LUC7L3: variants seen among roughly 807,000 people sequenced by gnomAD.
The protein encoded by LUC7L3 is LUC7 like 3 pre-mRNA splicing factor.
LUC7L3 carries 6 observed loss-of-function variants against 66.8 expected under a neutral mutation model. The observed-to-expected ratio is 0.09, with a 90% CI of 0.05 to 0.18. The LOEUF (loss-of-function observed/expected upper bound fraction) is 0.18, where lower values mean the gene tolerates loss of function less well. Ranked by LOEUF, LUC7L3 falls within the 10% of genes least tolerant of loss-of-function variation. The pLI is 1.00. For synonymous variants in LUC7L3, 160 were observed against 174.7 expected (o/e 0.92, Z 0.66); for missense variants, 341 against 531.1 (o/e 0.64, Z 3.52).
intron 1 of LUC7L3, among the ~76,000 whole-genome samples, chr17:50,729,896 TTATATATATATATATATATA>T (rs1156777167): frequency 0.032 from 2,120 of 65,470 alleles, 83 homozygotes; most frequent in East Asian, 0.14. Context: ...TATAAATACA[TTATATATATATATATATATA>T]TATATATATA....
At chr17:50,746,753 C>T (rs568159499) in intron 9 of LUC7L3, 51 bp downstream of exon 9, 16 of 1,518,792 alleles carry the variant, frequency 1.1e-5, no homozygotes, top group Middle Eastern at 3.5e-4. Flanking sequence ...ACACCCTAAT[C>T]GCCCCACTCA....
At chr17:50,741,032 A>T (rs1970318760) in intron 3 of LUC7L3, 70 bp from the exon 4 acceptor site, 1 of 1,471,096 alleles carries the variant, frequency 6.8e-7, no homozygotes, top group East Asian at 2.3e-5. Flanking sequence ...GAGGCTAGTT[A>T]AGATAGAATA....
intron 1 of LUC7L3, among the ~76,000 whole-genome samples, chr17:50,735,511 C>CT (rs140410861): frequency 0.11 from 16,012 of 150,684 alleles, 1,520 homozygotes; most frequent in African/African-American, 0.26. Context: ...TTTTCTTTTT[C>CT]TTTTTTTCAA....
chr17:50,750,814 TGAAGGAAAA>T lies in LUC7L3; in HGVS notation c.*156_*164del. 1 of 1,551,194 alleles carries T rather than the reference TGAAGGAAAA, an allele frequency of 6.4e-7. No homozygotes were observed. The highest frequency in any genetic ancestry group is 8.7e-7 in the Non-Finnish European group (1 of 1,151,264). ...TAAGAAGACATACAAAAGCCTCTTC[TGAAGGAAAA>T]GACAGTGTAGTCCTGCAAAACATTT... On this transcript the variant is annotated 3_prime_UTR_variant, in exon 10 of 10. Coordinates refer to ENST00000505658, the MANE Select transcript of LUC7L3 (RefSeq NM_016424.5).
At chr17:50,746,512 G>A in intron 8 of LUC7L3, 30 bp from the exon 9 acceptor site, 1 of 1,602,834 alleles carries the variant, frequency 6.2e-7, no homozygotes, top group African/African-American at 1.3e-5. Context: ...AATACTGGCT[G>A]AAGTTGCCTT....
intron 7 of LUC7L3, among the ~76,000 whole-genome samples, 185 bp from the exon 8 acceptor site, chr17:50,745,535 A>G (rs1162804581): frequency 6.6e-6 from 1 of 152,222 alleles, no homozygotes; most frequent in Non-Finnish European, 1.5e-5. Flanking sequence ...AAATTTGGGA[A>G]GAATATTCCT....
chr17:50,722,874 T>A (rs1279415731), intron 1 of LUC7L3: 1 of 152,230 alleles, frequency 6.6e-6, no homozygotes, highest in African/African-American at 2.4e-5. Flanking sequence ...TAATACTGTT[T>A]CATGGATTCA....
chr17:50,725,764 A>G lies in LUC7L3; in HGVS notation c.99+5933A>G, dbSNP rs554125063. ...AAATATTTTTAAAATTTAAGAAAAG[A>G]TAAGTACATCACAAATACATAAAAT... is the stretch of plus-strand genomic sequence containing the variant. On this transcript the variant is annotated intron_variant, in intron 1 of 9. Coordinates refer to ENST00000505658, the MANE Select transcript of LUC7L3 (RefSeq NM_016424.5). 4.6e-5 allele frequency among the ~76,000 whole-genome samples: 7 copies of G among 152,318 alleles called. No homozygotes were observed. In the East Asian group the frequency reaches 1.3e-3, roughly 29 times the overall value.
At chr17:50,749,344 GGTCA>G in intron 9 of LUC7L3, 1 of 1,288,704 alleles carries the variant, frequency 7.8e-7, no homozygotes, top group Non-Finnish European at 1.0e-6. Context: ...TTTCCCACAA[GGTCA>G]GTTAGAGCCC....
At chr17:50,750,255 T>C (rs1970915986) in intron 9 of LUC7L3, among the ~76,000 whole-genome samples, 1 of 152,216 alleles carries the variant, frequency 6.6e-6, no homozygotes, top group African/African-American at 2.4e-5. Flanking sequence ...TGCAATGTGC[T>C]TAATAGCTTC....
intron 5 of LUC7L3, among the ~76,000 whole-genome samples, chr17:50,741,963 C>T (rs1970375049): frequency 6.6e-6 from 1 of 152,178 alleles, no homozygotes; most frequent in South Asian, 2.1e-4. Context: ...GTGGTCCCAG[C>T]TACACACGAG....
At chr17:50,739,999 C>T (rs1970243978) in intron 2 of LUC7L3, among the ~76,000 whole-genome samples, 1 of 152,136 alleles carries the variant, frequency 6.6e-6, no homozygotes, top group Non-Finnish European at 1.5e-5. Flanking sequence ...CATCAGTTTT[C>T]TTTAGTGGCA....
In LUC7L3 at chr17:50,754,348, C is replaced by T. The variant is rs561258165; in HGVS notation, c.*3687C>T. On this transcript the variant is annotated 3_prime_UTR_variant, in exon 10 of 10. Coordinates refer to ENST00000505658, the MANE Select transcript of LUC7L3 (RefSeq NM_016424.5). Reference sequence around the variant, plus strand: ...AAGACTCATGACCACTTTTATACTTCATGAGTGATTGTATTTGTATCCACT... The same window carrying T: ...AAGACTCATGACCACTTTTATACTTTATGAGTGATTGTATTTGTATCCACT... The T allele has an allele frequency of 6.6e-6, 1 of 152,214 alleles. No homozygotes were observed. Among genetic ancestry groups the T allele is most frequent in the African/African-American group, 2.4e-5 (1 of 41,466 alleles). The allele number at this position is 152,214 out of a possible 1,614,324, so 9.4% of individuals were successfully genotyped here.
In LUC7L3 at chr17:50,751,858, C is replaced by T. The variant is rs143401662; in HGVS notation, c.*1197C>T. 9.7e-5 allele frequency: 98 copies of T among 1,014,138 alleles called. No individual in the cohort carries two copies. In the African/African-American group the frequency reaches 1.6e-3, roughly 17 times the overall value. The allele number at this position is 1,014,138 out of a possible 1,614,324, so 62.8% of individuals were successfully genotyped here. A position where few individuals can be genotyped will look rare whatever the true frequency, so the allele number is the denominator to read the frequency against. ...TTAAAGAAATATTAAAAGTTAGGTACTGTAAGTGTTCTTAAAACCTGTAAA... is the reference window on the plus strand; with the variant it reads ...TTAAAGAAATATTAAAAGTTAGGTATTGTAAGTGTTCTTAAAACCTGTAAA... On this transcript the variant is annotated 3_prime_UTR_variant, in exon 10 of 10. Coordinates refer to ENST00000505658, the MANE Select transcript of LUC7L3 (RefSeq NM_016424.5).
chr17:50,733,680 C>T (rs1969789000), intron 1 of LUC7L3, among the ~76,000 whole-genome samples: 1 of 152,088 alleles, frequency 6.6e-6, no homozygotes, highest in Non-Finnish European at 1.5e-5. Flanking sequence ...GGATTACAGG[C>T]GTGCAGCCAG....
intron 1 of LUC7L3, 169 bp from the exon 2 acceptor site, chr17:50,736,791 C>G (rs1039692310): frequency 3.6e-6 from 2 of 560,146 alleles, no homozygotes; most frequent in South Asian, 4.6e-5. Flanking sequence ...TATCGAAATT[C>G]AGGAGTCTGA....
chr17:50,723,139 A>T (rs887477312), intron 1 of LUC7L3: 2 of 152,150 alleles, frequency 1.3e-5, no homozygotes, highest in Non-Finnish European at 2.9e-5. Flanking sequence ...GAGTTTTGTT[A>T]TTTTTTATGT....
At chr17:50,731,410 C>G (rs564874905) in intron 1 of LUC7L3, among the ~76,000 whole-genome samples, 12 of 152,142 alleles carry the variant, frequency 7.9e-5, no homozygotes, top group Admixed American at 3.3e-4. Flanking sequence ...TCAGGTGATC[C>G]GCCTGCCTCC....
Position 50,754,982 on chromosome 17 carries a change from G to A in LUC7L3, c.*4321G>A, listed in dbSNP as rs1315058416. On this transcript the variant is annotated 3_prime_UTR_variant, in exon 10 of 10. Coordinates refer to ENST00000505658, the MANE Select transcript of LUC7L3 (RefSeq NM_016424.5). ...GTTTTTAAAAATGCATTGCAGATGG[G>A]CTATGTGAATATGTTTTTAAACATC... 5 of 152,122 alleles carry A rather than the reference G, an allele frequency of 3.3e-5. No individual in the cohort carries two copies. Among genetic ancestry groups the A allele is most frequent in the Non-Finnish European group, 5.9e-5 (4 of 68,028 alleles). The allele number at this position is 152,122 out of a possible 1,614,324, so 9.4% of individuals were successfully genotyped here.
Sources: gnomAD v4.1 joint callset for allele counts (sites outside exome capture counted in the v4.1 genomes callset) on GRCh38, gnomAD v4.1.1 for gene constraint, MANE v1.5 for transcripts, NCBI Gene and HGNC (gene_info 2026-07-23, HGNC 2026-07-21) for gene names.